The following NAV2 variants were observed in gnomAD, a reference collection of about 807,000 sequenced individuals.
NAV2 encodes the protein helicase, APC down-regulated 1.
In NAV2, 54 loss-of-function variants were observed where a neutral mutation model predicts 223.2. That is an observed-to-expected ratio of 0.24 (90% confidence interval 0.19 to 0.30). The LOEUF is 0.30. NAV2 is among the 10% of genes least tolerant of loss of function. The pLI is 1.00. For synonymous variants in NAV2, 1,279 were observed against 1,239.3 expected, an observed-to-expected ratio of 1.03 and a Z score of -0.67; for missense variants, 2,806 against 3,147.5, an observed-to-expected ratio of 0.89 and a Z score of 2.60.
At chr11:19,865,749 C>G (rs991810293) in intron 3 of NAV2, among the ~76,000 whole-genome samples, 1 of 151,848 alleles carries the variant, frequency 6.6e-6, no homozygotes, top group Non-Finnish European at 1.5e-5. Flanking sequence ...TGCAGACCAG[C>G]CATCTGGTTT....
At chr11:19,579,460 C>T (rs147792016) in intron 1 of NAV2, among the ~76,000 whole-genome samples, 7 of 152,254 alleles carry the variant, frequency 4.6e-5, no homozygotes, top group African/African-American at 1.4e-4. Context: ...AGGGCCCTGA[C>T]AGTCATGGGT....
At chr11:19,926,887 G>A (rs1029279008) in intron 6 of NAV2, among the ~76,000 whole-genome samples, 3 of 152,156 alleles carry the variant, frequency 2.0e-5, no homozygotes, top group Admixed American at 6.5e-5. Context: ...GTTGGCATCA[G>A]GACCAGACCA....
intron 1 of NAV2, among the ~76,000 whole-genome samples, chr11:19,627,547 G>T (rs561107621): frequency 6.6e-6 from 1 of 152,114 alleles, no homozygotes. Context: ...CCAGCAAAGA[G>T]GACCAATTTG....
At position 19,460,092 on chromosome 11, in the gene NAV2, C is replaced by T. The variant is rs114160886; in HGVS notation, c.75+109065C>T. ...TCTCATCTGGAAAATGGGATAATAA[C>T]CTGAAAGGAATAGTGTGATTTAGAA... On this transcript the variant is annotated intron_variant, in intron 1 of 37. Transcript: ENST00000360655. 8.4e-3 allele frequency among the ~76,000 whole-genome samples: 1,275 copies of T among 152,280 alleles called. 22 individuals carry two copies. The highest frequency in any genetic ancestry group is 0.029 in the African/African-American group (1,210 of 41,544).
intron 1 of NAV2, among the ~76,000 whole-genome samples, chr11:19,530,711 G>A (rs2044004380): frequency 6.6e-6 from 1 of 152,316 alleles, no homozygotes; most frequent in Non-Finnish European, 1.5e-5. Context: ...CAGTAATAAA[G>A]TAATAAACGA....
At chr11:19,448,488 G>T (rs1851670402) in intron 1 of NAV2, among the ~76,000 whole-genome samples, 1 of 152,212 alleles carries the variant, frequency 6.6e-6, no homozygotes, top group Non-Finnish European at 1.5e-5. Context: ...AGATGGCCAG[G>T]ACATCCTGGG....
chr11:19,526,090 C>A (rs117942599), intron 1 of NAV2, among the ~76,000 whole-genome samples: 4,149 of 152,196 alleles, frequency 0.027, 73 homozygotes, highest in South Asian at 0.036. Flanking sequence ...CCACACATGG[C>A]CCTACTGCCA....
intron 1 of NAV2, among the ~76,000 whole-genome samples, chr11:19,366,417 C>T (rs1216418112): frequency 6.6e-6 from 1 of 152,164 alleles, no homozygotes; most frequent in Non-Finnish European, 1.5e-5. Flanking sequence ...CTTGCTTCTT[C>T]TAGCTGGGTT....
intron 11 of NAV2, among the ~76,000 whole-genome samples, chr11:20,003,835 T>C (rs1004370285): frequency 2.2e-4 from 33 of 152,220 alleles, no homozygotes; most frequent in African/African-American, 7.7e-4. Flanking sequence ...GCCTGAATTA[T>C]TGGGATCTGT....
At chr11:20,106,073 A>G (rs1050239172) in intron 35 of NAV2, among the ~76,000 whole-genome samples, 7 of 150,022 alleles carry the variant, frequency 4.7e-5, no homozygotes, top group South Asian at 4.3e-4. Context: ...AACAGAGAAA[A>G]AAGATCACTA....
At chr11:19,346,122 C>T (rs1444380234), upstream of NAV2, among the ~76,000 whole-genome samples, 1 of 152,076 alleles carries the variant, frequency 6.6e-6, no homozygotes, top group African/African-American at 2.4e-5. Context: ...CGTCTGTCTC[C>T]GAATGTAGGT....
rs148915751 is a variant in NAV2, at chr11:19,453,704, C to A, written c.75+102677C>A. On this transcript the variant is annotated intron_variant, in intron 1 of 37. Coordinates refer to the NAV2 transcript ENST00000360655. ...ATGTCTCTCTGCACAATCCTCAGGG[C>A]CCCCACAGCTCTCTCCTCCTCCTGA... is the stretch of plus-strand genomic sequence containing the variant. 2.5e-3 allele frequency among the ~76,000 whole-genome samples: 375 copies of A among 152,276 alleles called. 2 individuals carry two copies. Among genetic ancestry groups the A allele is most frequent in the African/African-American group, 8.5e-3 (354 of 41,544 alleles).
At chr11:20,112,814 G>C (rs1484240317) in intron 36 of NAV2, among the ~76,000 whole-genome samples, 2 of 152,224 alleles carry the variant, frequency 1.3e-5, no homozygotes, top group African/African-American at 2.4e-5. Context: ...TGGTAAATGA[G>C]GGGGTGGGGC....
chr11:19,799,993 G>A lies in NAV2; in HGVS notation c.268-32491G>A, dbSNP rs371157698. 4.0e-4 allele frequency among the ~76,000 whole-genome samples: 61 copies of A among 152,314 alleles called. No homozygotes were observed. In the South Asian group the frequency reaches 0.012, roughly 31 times the overall value. On this transcript the variant is annotated intron_variant, in intron 1 of 37. Coordinates refer to ENST00000349880, the MANE Select transcript of NAV2 (RefSeq NM_145117.5). The stretch of plus-strand genomic sequence containing the variant: ...TGTCCCTGGGTTTCAGCCCAGGGCT[G>A]CAAACTTGAATAGGAAAATGCATCT...
At chr11:20,002,679 G>A (rs1271882201) in intron 11 of NAV2, among the ~76,000 whole-genome samples, 1 of 152,134 alleles carries the variant, frequency 6.6e-6, no homozygotes, top group Non-Finnish European at 1.5e-5. Flanking sequence ...TATCGTTGAA[G>A]GCCAACCACT....
intron 20 of NAV2, among the ~76,000 whole-genome samples, chr11:20,066,876 T>G (rs1347299646): frequency 6.6e-6 from 1 of 152,120 alleles, no homozygotes; most frequent in East Asian, 1.9e-4. Flanking sequence ...GGTACAGCGA[T>G]GGGTAGAGAG....
At chr11:19,466,289 T>C (rs1291221060) in intron 1 of NAV2, among the ~76,000 whole-genome samples, 6 of 152,222 alleles carry the variant, frequency 3.9e-5, no homozygotes, top group African/African-American at 1.4e-4. Context: ...AAAATCCATT[T>C]GCACCTGTCC....
chr11:19,410,318 G>A (rs1348417996), intron 1 of NAV2, among the ~76,000 whole-genome samples: 10 of 152,078 alleles, frequency 6.6e-5, no homozygotes, highest in Admixed American at 6.5e-4. Flanking sequence ...TCTAAGCCCT[G>A]CCTGATTATA....
intron 8 of NAV2, among the ~76,000 whole-genome samples, chr11:19,944,735 GTC>G (rs1311894445): frequency 3.7e-5 from 4 of 108,242 alleles, no homozygotes; most frequent in African/African-American, 1.7e-4. Context: ...CTTCCTTTCT[GTC>G]TCCCCTCCCT....
Sources: allele counts gnomAD v4.1 joint callset (sites outside exome capture counted in the v4.1 genomes callset), GRCh38; gene constraint gnomAD v4.1.1; transcripts MANE v1.5; gene names NCBI Gene and HGNC (gene_info 2026-07-23, HGNC 2026-07-21).